KAZN: variants seen among roughly 807,000 people sequenced by gnomAD.
KAZN encodes the protein kazrin.
Under a neutral mutation model 87.4 loss-of-function variants are expected in KAZN, and 40 were observed. The observed-to-expected ratio is 0.46, with a 90% CI of 0.36 to 0.60. KAZN has a LOEUF of 0.60. KAZN is among the 20% of genes least tolerant of loss of function. The pLI is 0.00. For missense variants in KAZN, 898 were observed against 1,073.9 expected (o/e 0.84, Z 2.29); for synonymous variants, 466 against 458.3 (o/e 1.02, Z -0.22).
intron 1 of KAZN, among the ~76,000 whole-genome samples, chr1:13,970,115 T>A (rs1642085376): frequency 6.6e-6 from 1 of 152,228 alleles, no homozygotes; most frequent in African/African-American, 2.4e-5. Flanking sequence ...ATTCCAGGAA[T>A]ATCTAATCTA....
At chr1:14,580,229 A>G (rs767632500) in intron 2 of KAZN, among the ~76,000 whole-genome samples, 45 of 152,202 alleles carry the variant, frequency 3.0e-4, no homozygotes, top group Non-Finnish European at 5.7e-4. Flanking sequence ...TAATCGCAGC[A>G]CTTTGGGAGG....
chr1:15,031,968 A>G (rs1163657415), intron 2 of KAZN, among the ~76,000 whole-genome samples: 2 of 151,874 alleles, frequency 1.3e-5, no homozygotes, highest in East Asian at 3.9e-4. Flanking sequence ...CATGCAGTTC[A>G]CCCATTTTAA....
rs5772587 is a variant in KAZN, at chr1:14,549,613, C to CTTT, written c.250-49357_250-49355dup. Among the ~76,000 whole-genome samples the CTTT allele has an allele frequency of 2.2e-4, 30 of 135,196 alleles. 2 individuals are homozygous for CTTT. The highest frequency in any genetic ancestry group is 1.4e-4 in the African/African-American group (5 of 36,224). The allele number at this position is 135,196 out of a possible 152,430, so 88.7% of individuals were successfully genotyped here. A position where few individuals can be genotyped will look rare whatever the true frequency, so the allele number is the denominator to read the frequency against. The stretch of plus-strand genomic sequence containing the variant: ...TGGTTAGGAGTTCTCCAGGCAACCC[C>CTTT]TTTTTTTTTTTTTTTATTCAGGACA... On this transcript the variant is annotated intron_variant, in intron 2 of 16. Transcript: ENST00000636203.
chr1:14,980,967 C>T (rs1446861061), intron 2 of KAZN, among the ~76,000 whole-genome samples: 1 of 152,114 alleles, frequency 6.6e-6, no homozygotes, highest in Non-Finnish European at 1.5e-5. Context: ...GACAAGGCGG[C>T]GTAACCAGGC....
intron 1 of KAZN, among the ~76,000 whole-genome samples, chr1:13,984,415 T>C (rs1023226667): frequency 6.6e-6 from 1 of 152,244 alleles, no homozygotes; most frequent in African/African-American, 2.4e-5. Context: ...TCTCATATGT[T>C]GTGCATTGAA....
chr1:13,966,077 C>T (rs546237725), intron 1 of KAZN, among the ~76,000 whole-genome samples: 57 of 152,260 alleles, frequency 3.7e-4, no homozygotes, highest in African/African-American at 1.1e-3. Context: ...CCCGTAACAC[C>T]GAGGTGGGCC....
intron 2 of KAZN, among the ~76,000 whole-genome samples, chr1:14,979,018 C>T (rs1665956921): frequency 6.6e-6 from 1 of 151,880 alleles, no homozygotes; most frequent in Non-Finnish European, 1.5e-5. Context: ...GATTCTCCTG[C>T]CTCAGCCTCC....
chr1:14,464,538 T>C (rs1668013681), intron 2 of KAZN, among the ~76,000 whole-genome samples: 1 of 149,976 alleles, frequency 6.7e-6, no homozygotes, highest in Admixed American at 6.6e-5. Flanking sequence ...ATTTCTTTTT[T>C]TTTTCTTTCT....
rs146035131 is a variant in KAZN, at chr1:14,657,321, G to T, written c.226+58098G>T. Among the ~76,000 whole-genome samples the T allele has an allele frequency of 3.7e-3, 569 of 152,278 alleles. 4 individuals carry two copies. The highest frequency in any genetic ancestry group is 0.013 in the African/African-American group (542 of 41,560). ...TGGTCTCGAACTCCCGACCTCAGGTGATCTGCCTGCCTCGGCCTCCCAGAG... is the reference window on the plus strand; with the variant it reads ...TGGTCTCGAACTCCCGACCTCAGGTTATCTGCCTGCCTCGGCCTCCCAGAG... On this transcript the variant is annotated intron_variant, in intron 1 of 14. Transcript: ENST00000376030.
chr1:14,514,617 A>T (rs1177301487), intron 2 of KAZN, among the ~76,000 whole-genome samples: 121 of 48,246 alleles, frequency 2.5e-3, no homozygotes, highest in African/African-American at 9.3e-3. Flanking sequence ...ATATATATAT[A>T]TATATATATA....
intron 2 of KAZN, among the ~76,000 whole-genome samples, chr1:14,488,444 G>A (rs1244448783): frequency 6.6e-6 from 1 of 152,162 alleles, no homozygotes; most frequent in Non-Finnish European, 1.5e-5. Context: ...TGCTTGGACT[G>A]AAATCCTGGT....
intron 1 of KAZN, among the ~76,000 whole-genome samples, chr1:14,027,784 G>A (rs975502144): frequency 6.6e-6 from 1 of 152,084 alleles, no homozygotes; most frequent in Non-Finnish European, 1.5e-5. Flanking sequence ...TTTCTCAATC[G>A]ATATTTTTGT....
intron 1 of KAZN, among the ~76,000 whole-genome samples, chr1:14,918,471 T>C (rs1658055626): frequency 6.6e-6 from 1 of 151,176 alleles, no homozygotes; most frequent in Non-Finnish European, 1.5e-5. Context: ...AGGTCAGGAG[T>C]TCGAGACCAG....
chr1:14,010,591 G>A (rs976114957), intron 1 of KAZN, among the ~76,000 whole-genome samples: 1 of 152,154 alleles, frequency 6.6e-6, no homozygotes, highest in African/African-American at 2.4e-5. Flanking sequence ...GCTTGAAACT[G>A]GTCTTTGAGG....
intron 2 of KAZN, among the ~76,000 whole-genome samples, chr1:14,212,428 A>G (rs947843519): frequency 5.3e-5 from 8 of 152,246 alleles, no homozygotes; most frequent in African/African-American, 1.2e-4. Context: ...AAAGCCTTTC[A>G]AAAAGACGAC....
At chr1:14,968,464 T>C (rs1557670376) in intron 2 of KAZN, among the ~76,000 whole-genome samples, 1 of 152,186 alleles carries the variant, frequency 6.6e-6, no homozygotes, top group African/African-American at 2.4e-5. Flanking sequence ...GGGGACCCCG[T>C]GTGAAGCCAC....
At chr1:14,014,709 A>G (rs1353485416) in intron 1 of KAZN, among the ~76,000 whole-genome samples, 1 of 152,230 alleles carries the variant, frequency 6.6e-6, no homozygotes, top group Non-Finnish European at 1.5e-5. Context: ...AAATGTTGGA[A>G]GGAGCAAGAT....
At chr1:14,941,748 G>A (rs939754148) in intron 1 of KAZN, among the ~76,000 whole-genome samples, 9 of 152,176 alleles carry the variant, frequency 5.9e-5, no homozygotes, top group Admixed American at 1.3e-4. Flanking sequence ...AGCTGAAAAC[G>A]CTTTGGTTCT....
intron 1 of KAZN, among the ~76,000 whole-genome samples, chr1:14,787,176 T>C (rs549576518): frequency 2.0e-5 from 3 of 152,386 alleles, no homozygotes; most frequent in Admixed American, 2.0e-4. Context: ...TTGGATGTAT[T>C]AATTATGGCC....
Sources: gnomAD v4.1 joint callset for allele counts (sites outside exome capture counted in the v4.1 genomes callset) on GRCh38, gnomAD v4.1.1 for gene constraint, MANE v1.5 for transcripts, NCBI Gene and HGNC (gene_info 2026-07-23, HGNC 2026-07-21) for gene names.